The following ZNF804B variants were observed in gnomAD, a reference collection of about 807,000 sequenced individuals.
ZNF804B encodes the protein zinc finger 804B.
A neutral mutation model predicts 101.4 loss-of-function variants in ZNF804B; 80 were observed. The observed-to-expected ratio is 0.79, with a 90% CI of 0.66 to 0.95. The LOEUF (loss-of-function observed/expected upper bound fraction) is 0.95. Among genes scored for constraint, ZNF804B ranks in the 40% least tolerant of loss-of-function variants. ZNF804B has a pLI of 0.00. For missense variants in ZNF804B, 1,673 were observed against 1,561.9 expected (o/e 1.07, Z -1.20); for synonymous variants, 622 against 558.8 (o/e 1.11, Z -1.59).
intron 1 of ZNF804B, among the ~76,000 whole-genome samples, chr7:89,145,446 C>A (rs1249236894): frequency 6.6e-6 from 1 of 151,942 alleles, no homozygotes; most frequent in East Asian, 1.9e-4. Context: ...CTTTAATGAC[C>A]TAATGCATTC....
chr7:89,091,629 A>T (rs1203790462), intron 1 of ZNF804B, among the ~76,000 whole-genome samples: 1 of 152,196 alleles, frequency 6.6e-6, no homozygotes, highest in Non-Finnish European at 1.5e-5. Flanking sequence ...TTTTTCAAGG[A>T]TAGACAATAC....
intron 1 of ZNF804B, among the ~76,000 whole-genome samples, chr7:88,959,657 T>C (rs1468776903): frequency 1.3e-5 from 2 of 151,414 alleles, no homozygotes; most frequent in Non-Finnish European, 3.0e-5. Context: ...CTCATAGATT[T>C]ATAACGTGTT....
chr7:89,198,760 AG>A (rs1788590537), intron 1 of ZNF804B, among the ~76,000 whole-genome samples: 1 of 151,818 alleles, frequency 6.6e-6, no homozygotes, highest in Non-Finnish European at 1.5e-5. Flanking sequence ...AAACAAGTAC[AG>A]AAAAACAAAA....
intron 2 of ZNF804B, among the ~76,000 whole-genome samples, chr7:89,250,272 A>G (rs1789518488): frequency 6.6e-6 from 1 of 152,174 alleles, no homozygotes; most frequent in Middle Eastern, 3.2e-3. Context: ...TTGATTCCAC[A>G]GATACCAAAG....
chr7:89,161,618 G>GGCTTCATTTTATATGTATCTTTTACAGA (rs1562901478), intron 1 of ZNF804B, among the ~76,000 whole-genome samples: 1 of 96,998 alleles, frequency 1.0e-5, no homozygotes, highest in Admixed American at 1.0e-4. Flanking sequence ...CAAAGTCCTG[G>GGCTTCATTTTATATGTATCTTTTACAGA]GCTCAAGCGA....
chr7:88,868,960 C>G (rs1791776450), intron 1 of ZNF804B, among the ~76,000 whole-genome samples: 1 of 152,146 alleles, frequency 6.6e-6, no homozygotes, highest in Non-Finnish European at 1.5e-5. Context: ...TGAGAAGAAT[C>G]ACCTATTGAA....
chr7:89,333,281 T>C, intron 3 of ZNF804B, 82 bp from the exon 4 acceptor site: 2 of 1,319,858 alleles, frequency 1.5e-6, no homozygotes, highest in East Asian at 2.5e-5. Context: ...TAACTCATCT[T>C]AGAAACACTA....
At chr7:89,028,266 A>G (rs1788780588) in intron 1 of ZNF804B, among the ~76,000 whole-genome samples, 1 of 152,186 alleles carries the variant, frequency 6.6e-6, no homozygotes, top group Non-Finnish European at 1.5e-5. Flanking sequence ...TACAAACAGC[A>G]ACTTGATTAG....
At chr7:88,942,532 T>G (rs1018537992) in intron 1 of ZNF804B, among the ~76,000 whole-genome samples, 12 of 140,980 alleles carry the variant, frequency 8.5e-5, no homozygotes, top group African/African-American at 3.2e-4. Flanking sequence ...GTGTGTGTGT[T>G]TTGCATTGAA....
intron 1 of ZNF804B, among the ~76,000 whole-genome samples, chr7:89,112,017 A>G (rs963551388): frequency 6.6e-6 from 1 of 151,134 alleles, no homozygotes; most frequent in Non-Finnish European, 1.5e-5. Context: ...GAGGCCGGAG[A>G]ATCGCTTGAA....
At chr7:89,330,916 AAAG>A (rs1790967066) in intron 3 of ZNF804B, among the ~76,000 whole-genome samples, 1 of 151,174 alleles carries the variant, frequency 6.6e-6, no homozygotes, top group Non-Finnish European at 1.5e-5. Flanking sequence ...GCAGTACAGA[AAAG>A]AACATTTAGA....
At chr7:88,901,658 G>GAAAAA (rs981312114) in intron 1 of ZNF804B, among the ~76,000 whole-genome samples, 1 of 151,132 alleles carries the variant, frequency 6.6e-6, no homozygotes, top group Admixed American at 6.6e-5. Context: ...GAGAAAGAGA[G>GAAAAA]AAAAAAAAGA....
chr7:89,213,731 G>A (rs555661662), intron 1 of ZNF804B, among the ~76,000 whole-genome samples: 1 of 152,302 alleles, frequency 6.6e-6, no homozygotes, highest in African/African-American at 2.4e-5. Context: ...GGTGAATCAC[G>A]CCTCTGAAGT....
intron 1 of ZNF804B, among the ~76,000 whole-genome samples, chr7:88,799,225 G>A (rs991084093): frequency 6.6e-6 from 1 of 151,918 alleles, no homozygotes; most frequent in Admixed American, 6.6e-5. Flanking sequence ...AGACAGAAAG[G>A]ATTAAAACAA....
intron 1 of ZNF804B, among the ~76,000 whole-genome samples, chr7:88,926,609 A>G (rs186754432): frequency 6.6e-6 from 1 of 152,142 alleles, no homozygotes; most frequent in East Asian, 1.9e-4. Flanking sequence ...CTCCATCTCA[A>G]AATAAGTAAG....
At chr7:88,857,855 A>G (rs1486274242) in intron 1 of ZNF804B, among the ~76,000 whole-genome samples, 1 of 33,516 alleles carries the variant, frequency 3.0e-5, no homozygotes, top group Non-Finnish European at 5.3e-5. Context: ...TTTTTTTGTC[A>G]CTGCTGCCCA....
chr7:89,058,518 C>G (rs2116277613), intron 1 of ZNF804B, among the ~76,000 whole-genome samples: 1 of 152,212 alleles, frequency 6.6e-6, no homozygotes, highest in South Asian at 2.1e-4. Flanking sequence ...AACAAACACT[C>G]TGTTTTTATT....
intron 1 of ZNF804B, among the ~76,000 whole-genome samples, chr7:88,975,861 C>T (rs1198199032): frequency 6.6e-6 from 1 of 151,572 alleles, no homozygotes; most frequent in Non-Finnish European, 1.5e-5. Context: ...ATCCAGTGTC[C>T]TGCAGAATTT....
chr7:89,219,690 A>G (rs984034413), intron 2 of ZNF804B, among the ~76,000 whole-genome samples: 6 of 151,276 alleles, frequency 4.0e-5, no homozygotes, highest in African/African-American at 1.5e-4. Context: ...CAGCTGTAAC[A>G]AGGTACACAT....
Sources: gnomAD v4.1 joint callset for allele counts (sites outside exome capture counted in the v4.1 genomes callset) on GRCh38, gnomAD v4.1.1 for gene constraint, MANE v1.5 for transcripts, NCBI Gene and HGNC (gene_info 2026-07-23, HGNC 2026-07-21) for gene names.